ADAMTS12: variants seen among roughly 807,000 people sequenced by gnomAD.
ADAMTS12 encodes ADAM metallopeptidase with thrombospondin type 1 motif 12.
ADAMTS12 carries 118 observed loss-of-function variants against 167.8 expected under a neutral mutation model. The ratio of observed to expected loss-of-function variants is 0.70; its 90% confidence interval spans 0.61 to 0.82. The LOEUF is 0.82. Ranked by LOEUF, ADAMTS12 falls within the 40% of genes least tolerant of loss-of-function variation. The probability of loss-of-function intolerance (pLI) is 0.00; values close to 1 mark genes in which losing one functional copy is unlikely to be tolerated. For synonymous variants in ADAMTS12, 704 were observed against 716.9 expected (o/e 0.98, Z 0.29); for missense variants, 1,916 against 1,998.8 (o/e 0.96, Z 0.79).
At chr5:33,870,291 G>C (rs1052503321) in intron 2 of ADAMTS12, among the ~76,000 whole-genome samples, 19 of 152,262 alleles carry the variant, frequency 1.2e-4, no homozygotes, top group African/African-American at 4.3e-4. Context: ...GTAAAGAAAG[G>C]CATAGGAAAT....
At chr5:33,562,634 A>T (rs1463414269) in intron 19 of ADAMTS12, among the ~76,000 whole-genome samples, 6 of 142,674 alleles carry the variant, frequency 4.2e-5, no homozygotes, top group African/African-American at 1.3e-4. Flanking sequence ...TCTCCATATA[A>T]TTTTTTTTTT....
rs201457640 is a variant in ADAMTS12, at chr5:33,786,348, TA to T, written c.490-34801del. 4.9e-3 allele frequency among the ~76,000 whole-genome samples: 740 copies of T among 152,122 alleles called. 4 individuals are homozygous for T. Among genetic ancestry groups the T allele is most frequent in the African/African-American group, 0.017 (701 of 41,508 alleles). On this transcript the variant is annotated intron_variant, in intron 2 of 23. Coordinates refer to ENST00000504830, the MANE Select transcript of ADAMTS12 (RefSeq NM_030955.4). ...CTGTTAAAAACATTTTATAAGAAAA[TA>T]AAAATAATTTCCTTTCTTTGGGTTT...
intron 16 of ADAMTS12, among the ~76,000 whole-genome samples, chr5:33,611,788 T>C (rs1195379156): frequency 6.6e-6 from 1 of 152,076 alleles, no homozygotes; most frequent in African/African-American, 2.4e-5. Flanking sequence ...ATCTAACACA[T>C]GAAAAAGTAT....
chr5:33,573,420 G>C (rs1414374618), intron 19 of ADAMTS12, among the ~76,000 whole-genome samples: 1 of 152,146 alleles, frequency 6.6e-6, no homozygotes, highest in African/African-American at 2.4e-5. Context: ...CAATGGAACA[G>C]AACAGAGCCC....
rs138732514 is a variant in ADAMTS12, at chr5:33,808,225, G to A, written c.490-56677C>T. Among the ~76,000 whole-genome samples the A allele has an allele frequency of 2.9e-3, 435 of 152,310 alleles. 5 individuals are homozygous for A. Among genetic ancestry groups the A allele is most frequent in the African/African-American group, 0.01 (425 of 41,554 alleles). On this transcript the variant is annotated intron_variant, in intron 2 of 23. Coordinates refer to ENST00000504830, the MANE Select transcript of ADAMTS12 (RefSeq NM_030955.4). ...CAGTTTTCTGAAATGGCTGTGGGGA[G>A]CAGGGCCTGGGAAAAGCTATTTCCA...
chr5:33,598,292 C>T (rs1368391400), intron 16 of ADAMTS12, among the ~76,000 whole-genome samples: 1 of 152,096 alleles, frequency 6.6e-6, no homozygotes, highest in Non-Finnish European at 1.5e-5. Context: ...TAGGTCGACC[C>T]CCTGACATTA....
intron 3 of ADAMTS12, among the ~76,000 whole-genome samples, chr5:33,738,014 T>G (rs1253099713): frequency 6.6e-6 from 1 of 152,218 alleles, no homozygotes; most frequent in African/African-American, 2.4e-5. Flanking sequence ...CTGGTACCAC[T>G]GTTAAGCCCT....
In ADAMTS12 at chr5:33,695,161, A is replaced by G. The variant is rs1268033318; in HGVS notation, c.635-11106T>C. Among the ~76,000 whole-genome samples the G allele has an allele frequency of 2.0e-5, 3 of 152,218 alleles. No individual in the cohort carries two copies. The East Asian group carries it at 5.8e-4, about 29-fold the overall frequency. ...TGCAACTAAAGAGATGATGTCCACA[A>G]TAGATCAAAACTCTAATTCCTCTTG... On this transcript the variant is annotated intron_variant, in intron 3 of 23. Coordinates refer to ENST00000504830, the MANE Select transcript of ADAMTS12 (RefSeq NM_030955.4).
At chr5:33,848,124 G>A (rs2111627951) in intron 2 of ADAMTS12, among the ~76,000 whole-genome samples, 1 of 152,148 alleles carries the variant, frequency 6.6e-6, no homozygotes, top group African/African-American at 2.4e-5. Flanking sequence ...GGCTGAGGCA[G>A]GAGAGTCGCT....
At chr5:33,610,164 A>G (rs1738657614) in intron 16 of ADAMTS12, among the ~76,000 whole-genome samples, 1 of 152,206 alleles carries the variant, frequency 6.6e-6, no homozygotes, top group Non-Finnish European at 1.5e-5. Context: ...CTGTTCAACA[A>G]GAATGAAACT....
chr5:33,531,185 G>A (rs780445886), intron 23 of ADAMTS12, among the ~76,000 whole-genome samples: 82 of 152,318 alleles, frequency 5.4e-4, no homozygotes, highest in Non-Finnish European at 9.3e-4. Flanking sequence ...GCCGGCAACC[G>A]CCAGCAGCTG....
At position 33,615,823 on chromosome 5, in the gene ADAMTS12, A is replaced by G. The variant is rs755181754; in HGVS notation, c.2388+5T>C. ...TGTCAGCAGTTTCCCTCCTTTCTGCATTACCTGGATCCACACAGACTCATT... is the reference window on the plus strand; with the variant it reads ...TGTCAGCAGTTTCCCTCCTTTCTGCGTTACCTGGATCCACACAGACTCATT... On this transcript the variant is annotated splice_donor_5th_base_variant and intron_variant, in intron 15 of 23. Coordinates refer to ENST00000504830, the MANE Select transcript of ADAMTS12 (RefSeq NM_030955.4). 2.5e-6 allele frequency: 4 copies of G among 1,613,896 alleles called. No homozygotes were observed. The highest frequency in any genetic ancestry group is 3.4e-6 in the Non-Finnish European group (4 of 1,179,960).
intron 22 of ADAMTS12, among the ~76,000 whole-genome samples, chr5:33,536,604 A>T (rs1744421745): frequency 6.6e-6 from 1 of 152,156 alleles, no homozygotes; most frequent in African/African-American, 2.4e-5. Context: ...TAGATCATAG[A>T]GGTTACGAGT....
intron 12 of ADAMTS12, among the ~76,000 whole-genome samples, chr5:33,631,892 A>G (rs536956518): frequency 2.1e-3 from 315 of 152,228 alleles, no homozygotes; most frequent in Non-Finnish European, 3.4e-3. Flanking sequence ...TGAGGACTCA[A>G]TGGTACCAGC....
chr5:33,532,045 C>T lies in ADAMTS12; in HGVS notation c.4606+2788G>A, dbSNP rs913571635. Among the ~76,000 whole-genome samples the T allele has an allele frequency of 3.9e-5, 6 of 152,138 alleles. 1 individual carries two copies. Among genetic ancestry groups the T allele is most frequent in the African/African-American group, 1.4e-4 (6 of 41,424 alleles). ...TTGTGTTCATTAGTCAATTGGATTC[C>T]ACTTCCAAAGTACATACAATGCTTA... On this transcript the variant is annotated intron_variant, in intron 23 of 23. Coordinates refer to ENST00000504830, the MANE Select transcript of ADAMTS12 (RefSeq NM_030955.4).
At chr5:33,748,958 T>C (rs1744883438) in intron 3 of ADAMTS12, among the ~76,000 whole-genome samples, 1 of 152,210 alleles carries the variant, frequency 6.6e-6, no homozygotes, top group Admixed American at 6.5e-5. Context: ...CTTGGATCTC[T>C]AGCTACTGTT....
intron 2 of ADAMTS12, among the ~76,000 whole-genome samples, chr5:33,826,586 G>GTATATATA (rs10594169): frequency 1.3e-5 from 2 of 149,504 alleles, no homozygotes; most frequent in African/African-American, 4.9e-5. Context: ...GTGTGTGTGT[G>GTATATATA]TATATATATA....
At chr5:33,830,662 C>A (rs1250141403) in intron 2 of ADAMTS12, among the ~76,000 whole-genome samples, 2 of 152,034 alleles carry the variant, frequency 1.3e-5, no homozygotes, top group Non-Finnish European at 2.9e-5. Context: ...AGTGGTGGCG[C>A]ACACCTGTAG....
intron 5 of ADAMTS12, among the ~76,000 whole-genome samples, chr5:33,662,454 T>C (rs1741291647): frequency 6.6e-6 from 1 of 152,272 alleles, no homozygotes; most frequent in African/African-American, 2.4e-5. Context: ...TTTTTTCTTC[T>C]CATGAGACAT....
Sources: allele counts gnomAD v4.1 joint callset (sites outside exome capture counted in the v4.1 genomes callset), GRCh38; gene constraint gnomAD v4.1.1; transcripts MANE v1.5; gene names NCBI Gene and HGNC (gene_info 2026-07-23, HGNC 2026-07-21).